Variants in TREM2 observed in about 807,000 individuals in gnomAD.
TREM2 encodes the protein triggering receptor expressed on myeloid cells 2, also known as triggering receptor expressed on monocytes 2.
A neutral mutation model predicts 22.9 loss-of-function variants in TREM2; 20 were observed. That is an observed-to-expected ratio of 0.87 (90% CI 0.61 to 1.27). The LOEUF is 1.27. Ranked by LOEUF, TREM2 falls within the 50% of genes most tolerant of loss-of-function variation. TREM2 has a pLI of 0.00. For synonymous variants in TREM2, 111 were observed against 120.9 expected (o/e 0.92, Z 0.54); for missense variants, 267 against 289.0 (o/e 0.92, Z 0.55).
At chr6:41,158,805 G>C (rs1480032859) in intron 4 of TREM2, 25 bp from the exon 5 acceptor site, 2 of 1,614,186 alleles carry the variant, frequency 1.2e-6, no homozygotes, top group Non-Finnish European at 1.7e-6. Flanking sequence ...GGACTCATGT[G>C]GCCCCTCTCG....
chr6:41,162,734 C>G (rs555953778), intron 1 of TREM2, among the ~76,000 whole-genome samples: 1 of 152,230 alleles, frequency 6.6e-6, no homozygotes, highest in South Asian at 2.1e-4. Context: ...CCAAAGCTTC[C>G]CCCAACTGCC....
chr6:41,159,107 C>T (rs538447052), intron 3 of TREM2, 41 bp from the exon 4 acceptor site: 481 of 1,583,984 alleles, frequency 3.0e-4, no homozygotes, highest in Non-Finnish European at 4.0e-4. Flanking sequence ...TTGAGATGGC[C>T]TACAGATTAG....
At chr6:41,159,131 G>A in intron 3 of TREM2, 65 bp from the exon 4 acceptor site, 2 of 1,550,884 alleles carry the variant, frequency 1.3e-6, no homozygotes, top group East Asian at 2.4e-5. Context: ...CTTCTCTCAG[G>A]GAATGGGGAG....
chr6:41,158,665 A>G lies in TREM2; in HGVS notation c.*99T>C. On this transcript the variant is annotated 3_prime_UTR_variant, in exon 5 of 5. Transcript: ENST00000373113. Reference sequence around the variant, plus strand: ...TGTTCAGGCAGAGTAGTCTCTTGCCAGAGCAGAACAAGGAGTCCTGGTGGC... The same window carrying G: ...TGTTCAGGCAGAGTAGTCTCTTGCCGGAGCAGAACAAGGAGTCCTGGTGGC... 6.2e-7 allele frequency: 1 copy of G among 1,611,422 alleles called. No homozygotes were observed. The highest frequency in any genetic ancestry group is 1.7e-5 in the Admixed American group (1 of 59,550).
At chr6:41,161,726 A>G (rs1249409649) in intron 1 of TREM2, 113 bp from the exon 2 acceptor site, 3 of 926,294 alleles carry the variant, frequency 3.2e-6, no homozygotes, top group Non-Finnish European at 3.4e-6. Flanking sequence ...TTAGGTTCTT[A>G]TACAAGTTGG....
chr6:41,158,523 C>T lies in TREM2; in HGVS notation c.*241G>A. 1.5e-6 allele frequency: 2 copies of T among 1,368,002 alleles called. No individual in the cohort carries two copies. The highest frequency in any genetic ancestry group is 2.0e-6 in the Non-Finnish European group (2 of 1,009,750). The allele number at this position is 1,368,002 out of a possible 1,614,324, so 84.7% of individuals were successfully genotyped here. A position where few individuals can be genotyped will look rare whatever the true frequency, so the allele number is the denominator to read the frequency against. On this transcript the variant is annotated 3_prime_UTR_variant, in exon 5 of 5. Transcript: ENST00000373113. The stretch of plus-strand genomic sequence containing the variant: ...CCCAAAACTATCCAGCTAAATATGA[C>T]AGTCTTGGATTTATTTGTAAGTGTT...
intron 2 of TREM2, among the ~76,000 whole-genome samples, chr6:41,160,396 C>T (rs927313754): frequency 8.5e-5 from 13 of 152,098 alleles, no homozygotes; most frequent in Admixed American, 3.9e-4. Flanking sequence ...TACTCCTGAC[C>T]TCATTTCCAT....
At chr6:41,159,762 A>G in intron 3 of TREM2, 30 bp downstream of exon 3, 1 of 1,609,670 alleles carries the variant, frequency 6.2e-7, no homozygotes, top group Non-Finnish European at 8.5e-7. Flanking sequence ...AAGTCTGCCC[A>G]CGGGTTTTAG....
rs1294900634 is a variant in TREM2 at position 41,161,587 on chromosome 6, C to G, written c.67G>C (p.Val23Leu). 11 of 1,613,970 alleles carry G rather than the reference C, an allele frequency of 6.8e-6. No individual in the cohort carries two copies. Among genetic ancestry groups the G allele is most frequent in the African/African-American group, 1.3e-5 (1 of 74,936 alleles). Residue 23 changes from valine (V) to leucine (L), a missense_variant, in exon 2 of 5, where the codon GTG becomes CTG. By Grantham distance (32) the Val-to-Leu change is conservative (BLOSUM62 1). Transcript: ENST00000373113. Reference sequence around the variant, plus strand: ...GACTGGCCCGCCACGCCCTGGAACACTGTGGTGTTGTGGGCTCCGGACAGC... The same window carrying G: ...GACTGGCCCGCCACGCCCTGGAACAGTGTGGTGTTGTGGGCTCCGGACAGC... ...TELSGAHNTT[V>L]FQGVAGQSLQ...
chr6:41,159,982 G>T, intron 2 of TREM2, 100 bp from the exon 3 acceptor site: 3 of 873,594 alleles, frequency 3.4e-6, no homozygotes, highest in Non-Finnish European at 5.6e-6. Flanking sequence ...GGTCCCCTGG[G>T]CACTGGTCCT....
At chr6:41,160,057 A>G (rs1765522938) in intron 2 of TREM2, among the ~76,000 whole-genome samples, 175 bp from the exon 3 acceptor site, 1 of 152,026 alleles carries the variant, frequency 6.6e-6, no homozygotes, top group Admixed American at 6.5e-5. Context: ...GGCCGTTAGG[A>G]ACACTTCCTT....
chr6:41,159,868 G>C lies in TREM2; in HGVS notation c.406C>G (p.Arg136Gly), dbSNP rs772641807. ...VEVLADPLDH[R>G]DAGDLWFPGE... ...GGGAACCAGAGATCTCCAGCATCCC[G>C]GTGATCCAGGGGGTCTATGGGAGGC... is the stretch of plus-strand genomic sequence containing the variant. Residue 136 changes from arginine to glycine, a missense_variant, in exon 3 of 5, where the codon CGG becomes GGG. Coordinates refer to ENST00000373113, the MANE Select transcript of TREM2 (RefSeq NM_018965.4). 1.2e-6 allele frequency: 2 copies of C among 1,613,838 alleles called. No homozygotes were observed. The highest frequency in any genetic ancestry group is 1.3e-5 in the African/African-American group (1 of 75,036).
chr6:41,159,692 G>T, intron 3 of TREM2, 100 bp downstream of exon 3: 1 of 1,033,052 alleles, frequency 9.7e-7, no homozygotes, highest in Non-Finnish European at 1.5e-6. Flanking sequence ...GGCTCTAGTT[G>T]CCTTGTAATT....
chr6:41,159,915 C>T, intron 2 of TREM2, 33 bp from the exon 3 acceptor site: 2 of 1,595,760 alleles, frequency 1.3e-6, no homozygotes, highest in Non-Finnish European at 1.7e-6. Flanking sequence ...CCTCCAGCCC[C>T]TTCCTCCTCG....
At position 41,159,878 on chromosome 6, in the gene TREM2, G is replaced by A; in HGVS notation, c.396C>T (p.Pro132=). Residue 132 remains proline, a synonymous_variant, in exon 3 of 5, where the codon CCC becomes CCT. Transcript: ENST00000373113. ...GATCTCCAGCATCCCGGTGATCCAG[G>A]GGGTCTATGGGAGGCAGAGCCATGA... is the stretch of plus-strand genomic sequence containing the variant. ...RKVLVEVLAD[P]LDHRDAGDLW... is the part of the protein sequence containing the mutation. 2 of 1,613,722 alleles carry A rather than the reference G, an allele frequency of 1.2e-6. No individual in the cohort carries two copies. The highest frequency in any genetic ancestry group is 8.5e-7 in the Non-Finnish European group (1 of 1,179,916).
Position 41,158,521 on chromosome 6 carries a change from G to T in TREM2, c.*243C>A. 1 of 1,367,154 alleles carries T rather than the reference G, an allele frequency of 7.3e-7. No homozygotes were observed. Among genetic ancestry groups the T allele is most frequent in the Non-Finnish European group, 9.9e-7 (1 of 1,009,788 alleles). The allele number at this position is 1,367,154 out of a possible 1,614,324, so 84.7% of individuals were successfully genotyped here. A position where few individuals can be genotyped will look rare whatever the true frequency, so the allele number is the denominator to read the frequency against. ...TGCCCAAAACTATCCAGCTAAATAT[G>T]ACAGTCTTGGATTTATTTGTAAGTG... is the stretch of plus-strand genomic sequence containing the variant. On this transcript the variant is annotated 3_prime_UTR_variant, in exon 5 of 5. Transcript: ENST00000373113.
chr6:41,159,771 A>G (rs1306841473), intron 3 of TREM2, 21 bp downstream of exon 3: 1 of 1,610,832 alleles, frequency 6.2e-7, no homozygotes. Context: ...CACGGGTTTT[A>G]GGAAAGACCC....
intron 3 of TREM2, among the ~76,000 whole-genome samples, chr6:41,159,303 G>A (rs1765498700): frequency 6.6e-6 from 1 of 152,148 alleles, no homozygotes; most frequent in Admixed American, 6.5e-5. Context: ...CCCTCACTGA[G>A]CAGTTTTCTT....
intron 2 of TREM2, 111 bp downstream of exon 2, chr6:41,161,152 A>G (rs761999249): frequency 5.1e-6 from 5 of 989,342 alleles, no homozygotes; most frequent in Non-Finnish European, 7.7e-6. Context: ...AGACCATACG[A>G]TGGGTTTTCC....
Sources: gnomAD v4.1 joint callset for allele counts (sites outside exome capture counted in the v4.1 genomes callset) on GRCh38, gnomAD v4.1.1 for gene constraint, MANE v1.5 for transcripts, NCBI Gene and HGNC (gene_info 2026-07-23, HGNC 2026-07-21) for gene names.